ANKS1B: variants seen among roughly 807,000 people sequenced by gnomAD.
ANKS1B encodes the protein ankyrin repeat and sterile alpha motif domain-containing protein 1B.
A neutral mutation model predicts 148.3 loss-of-function variants in ANKS1B; 36 were observed. The ratio of observed to expected loss-of-function variants is 0.24; its 90% CI spans 0.19 to 0.32. The LOEUF is 0.32. Ranked by LOEUF, ANKS1B falls within the 10% of genes least tolerant of loss-of-function variation. ANKS1B has a pLI of 1.00. For missense variants in ANKS1B, 1,157 were observed against 1,542.6 expected (o/e 0.75, Z 4.19); for synonymous variants, 542 against 560.8 (o/e 0.97, Z 0.47).
intron 8 of ANKS1B, among the ~76,000 whole-genome samples, chr12:99,756,473 G>C (rs945187155): frequency 6.6e-6 from 1 of 151,992 alleles, no homozygotes; most frequent in Non-Finnish European, 1.5e-5. Flanking sequence ...TGGATAGGAA[G>C]AATCAATATC....
At chr12:99,096,431 G>A (rs1348534948) in intron 15 of ANKS1B, among the ~76,000 whole-genome samples, 1 of 151,982 alleles carries the variant, frequency 6.6e-6, no homozygotes, top group Non-Finnish European at 1.5e-5. Flanking sequence ...TTTAAAATTC[G>A]GTGATGGGAA....
intron 17 of ANKS1B, among the ~76,000 whole-genome samples, chr12:98,973,170 G>A (rs936006165): frequency 1.3e-5 from 2 of 150,842 alleles, no homozygotes; most frequent in Non-Finnish European, 2.9e-5. Context: ...CAAAGATCTT[G>A]TAAGTTGGGT....
At chr12:99,098,083 A>G (rs575977113) in intron 15 of ANKS1B, among the ~76,000 whole-genome samples, 40 of 152,330 alleles carry the variant, frequency 2.6e-4, no homozygotes, top group African/African-American at 9.6e-4. Context: ...CAGGCCAGAC[A>G]CTGTGCTTTT....
At chr12:99,529,640 A>C (rs1480503535) in intron 9 of ANKS1B, among the ~76,000 whole-genome samples, 1 of 147,978 alleles carries the variant, frequency 6.8e-6, no homozygotes. Context: ...TGACACAGCA[A>C]GACTCTGTTT....
At chr12:99,903,509 CAG>C (rs1028374962) in intron 1 of ANKS1B, among the ~76,000 whole-genome samples, 2 of 152,146 alleles carry the variant, frequency 1.3e-5, no homozygotes, top group African/African-American at 4.8e-5. Context: ...AGATGAGAGA[CAG>C]AGTACTAGAG....
chr12:99,850,782 C>T (rs1488721), intron 1 of ANKS1B, among the ~76,000 whole-genome samples: 42,712 of 151,854 alleles, frequency 0.28, 6,394 homozygotes, highest in African/African-American at 0.36. Flanking sequence ...TTGACAAAGA[C>T]ATAAGGGAAA....
chr12:99,829,849 A>T lies in ANKS1B; in HGVS notation c.135-4460T>A, dbSNP rs987078961. ...GGTCTCAAAAAACAAAAACAAAAACAAAAAAGGACCAGGATAGCTTTGATA... is the reference window on the plus strand; with the variant it reads ...GGTCTCAAAAAACAAAAACAAAAACTAAAAAGGACCAGGATAGCTTTGATA... On this transcript the variant is annotated intron_variant, in intron 1 of 26. Transcript: ENST00000683438. 2.0e-5 allele frequency among the ~76,000 whole-genome samples: 3 copies of T among 152,164 alleles called. No individual in the cohort carries two copies. In the East Asian group the frequency reaches 5.8e-4, roughly 29 times the overall value.
At chr12:98,875,878 C>T (rs374678809) in intron 17 of ANKS1B, among the ~76,000 whole-genome samples, 7 of 146,160 alleles carry the variant, frequency 4.8e-5, no homozygotes, top group African/African-American at 1.8e-4. Flanking sequence ...ACAACTGACA[C>T]ACTGCTGTAA....
chr12:99,373,859 A>C (rs145985473), intron 12 of ANKS1B, among the ~76,000 whole-genome samples: 247 of 152,308 alleles, frequency 1.6e-3, no homozygotes, highest in African/African-American at 5.7e-3. Context: ...TCAGCCAAAT[A>C]GTAGAGAACT....
chr12:99,078,081 A>G (rs2048437716), intron 16 of ANKS1B, among the ~76,000 whole-genome samples: 1 of 152,036 alleles, frequency 6.6e-6, no homozygotes, highest in African/African-American at 2.4e-5. Context: ...ACCACTCCAT[A>G]TTGTCTTTTC....
At chr12:99,949,108 T>C (rs1263077141) in intron 1 of ANKS1B, among the ~76,000 whole-genome samples, 1 of 152,086 alleles carries the variant, frequency 6.6e-6, no homozygotes, top group Non-Finnish European at 1.5e-5. Flanking sequence ...CTCAGGCAGA[T>C]CAAAAATATT....
At chr12:99,418,628 TTTTA>T (rs2094983419) in intron 11 of ANKS1B, among the ~76,000 whole-genome samples, 1 of 152,188 alleles carries the variant, frequency 6.6e-6, no homozygotes, top group Admixed American at 6.5e-5. Context: ...TCTGTATGCC[TTTTA>T]TTTTTTTGTT....
At chr12:99,586,593 C>T (rs114878088) in intron 9 of ANKS1B, among the ~76,000 whole-genome samples, 2,058 of 152,224 alleles carry the variant, frequency 0.014, 55 homozygotes, top group African/African-American at 0.047. Flanking sequence ...AGTATCTTTA[C>T]GGCAGCATCT....
At chr12:99,038,891 A>G (rs1470529644) in intron 17 of ANKS1B, among the ~76,000 whole-genome samples, 2 of 152,204 alleles carry the variant, frequency 1.3e-5, no homozygotes, top group African/African-American at 2.4e-5. Flanking sequence ...GTCACTGTCT[A>G]TCCTCTTACC....
At position 99,820,528 on chromosome 12, in the gene ANKS1B, C is replaced by T. The variant is rs144202921; in HGVS notation, c.215+4781G>A. On this transcript the variant is annotated intron_variant, in intron 2 of 26. Coordinates refer to ENST00000683438, the MANE Select transcript of ANKS1B (RefSeq NM_001352186.2). ...CTAGAGCAGATGGATACAACAACAG[C>T]GACAAACATGGAAATGATGTGTTTC... Among the ~76,000 whole-genome samples, 508 of 151,984 alleles carry T rather than the reference C, an allele frequency of 3.3e-3. 2 individuals carry two copies. The highest frequency in any genetic ancestry group is 0.012 in the African/African-American group (482 of 41,530).
Position 99,246,645 on chromosome 12 carries a change from G to T in ANKS1B, c.1976C>A (p.Pro659His). 6.2e-7 allele frequency: 1 copy of T among 1,613,632 alleles called. No homozygotes were observed. Among genetic ancestry groups the T allele is most frequent in the Non-Finnish European group, 8.5e-7 (1 of 1,179,804 alleles). The part of the protein sequence containing the change: ...KQSPIENNSE[P>H]LVKKIKPKVV... ...TTTGGGTTTAATTTTCTTTACCAAA[G>T]GTTCTGAGTTATTTTCTATTGGAGA... Residue 659 changes from proline (P) to histidine (H), a missense_variant, in exon 13 of 27, where the codon CCT becomes CAT. Physicochemically the swap from Pro to His is moderately conservative, Grantham distance 77. Transcript: ENST00000683438.
At chr12:99,240,145 C>A (rs746922454) in intron 14 of ANKS1B, among the ~76,000 whole-genome samples, 7 of 152,170 alleles carry the variant, frequency 4.6e-5, no homozygotes, top group Admixed American at 1.3e-4. Flanking sequence ...CAAGACCCAT[C>A]AGTGTGCTGT....
chr12:99,662,888 T>C (rs377366353), intron 8 of ANKS1B, among the ~76,000 whole-genome samples: 132 of 152,230 alleles, frequency 8.7e-4, no homozygotes, highest in African/African-American at 3.0e-3. Flanking sequence ...TCTTGGTGTC[T>C]ATTTTTGCCT....
At chr12:99,030,964 G>C (rs140204074) in intron 17 of ANKS1B, among the ~76,000 whole-genome samples, 4 of 152,324 alleles carry the variant, frequency 2.6e-5, no homozygotes, top group Non-Finnish European at 5.9e-5. Context: ...GTCTCTGCAA[G>C]AAGGGCCAAG....
Sources: allele counts gnomAD v4.1 joint callset (sites outside exome capture counted in the v4.1 genomes callset), GRCh38; gene constraint gnomAD v4.1.1; transcripts MANE v1.5; gene names NCBI Gene and HGNC (gene_info 2026-07-23, HGNC 2026-07-21).